RIPK1: variants seen among roughly 807,000 people sequenced by gnomAD.
The protein encoded by RIPK1 is receptor interacting serine/threonine kinase 1.
In RIPK1, 27 loss-of-function variants were observed where a neutral mutation model predicts 62.4. The ratio of observed to expected loss-of-function variants is 0.43; its 90% CI spans 0.32 to 0.60. RIPK1 has a LOEUF of 0.60. Among genes scored for constraint, RIPK1 ranks in the 20% least tolerant of loss-of-function variants. RIPK1 has a pLI of 0.07. For synonymous variants in RIPK1, 287 were observed against 303.2 expected, an observed-to-expected ratio of 0.95 and a Z score of 0.55; for missense variants, 735 against 831.0, an observed-to-expected ratio of 0.88 and a Z score of 1.42.
chr6:3,094,451 A>C (rs1267803039), intron 7 of RIPK1, among the ~76,000 whole-genome samples: 1 of 151,736 alleles, frequency 6.6e-6, no homozygotes, highest in East Asian at 1.9e-4. Flanking sequence ...CCCTTGGATC[A>C]AAAAAAATAA....
rs751986179 is a variant in RIPK1, at chr6:3,085,291, A to G, written c.721A>G (p.Ile241Val). 5.0e-6 allele frequency: 8 copies of G among 1,614,256 alleles called. No individual in the cohort carries two copies. The highest frequency in any genetic ancestry group is 1.7e-4 in the Middle Eastern group (1 of 6,060). The change falls in exon 6 of 11, where the codon ATA (isoleucine) becomes GTA (valine). Residue 241 changes from isoleucine (I) to valine (V), a missense_variant. Around this residue, in one of 2 missense-constraint regions of RIPK1, gnomAD observed 671 missense variants for 726.2 expected, o/e 0.92. Transcript: ENST00000259808. ...CTGTGAGCAGCAGTTGATAATGTGC[A>G]TAAAATCTGGGAACAGGCCAGATGT... is the stretch of plus-strand genomic sequence containing the variant. The part of the protein sequence containing the change: ...AICEQQLIMC[I>V]KSGNRPDVDD...
chr6:3,100,997 T>A (rs1003541964), intron 7 of RIPK1, among the ~76,000 whole-genome samples: 4 of 152,218 alleles, frequency 2.6e-5, no homozygotes, highest in African/African-American at 9.7e-5. Context: ...AAAATACTTT[T>A]CATATTAGGC....
upstream of RIPK1, among the ~76,000 whole-genome samples, chr6:3,065,093 AAAG>A (rs1470866042): frequency 6.6e-6 from 1 of 151,426 alleles, no homozygotes; most frequent in Admixed American, 6.6e-5. Context: ...AAAAGAAAAA[AAAG>A]AATACAAAAA....
chr6:3,097,174 A>C (rs867156804), intron 7 of RIPK1, among the ~76,000 whole-genome samples: 1 of 152,130 alleles, frequency 6.6e-6, no homozygotes, highest in South Asian at 2.1e-4. Flanking sequence ...CCCAGCCTAT[A>C]TCTCAACCTT....
intron 5 of RIPK1, among the ~76,000 whole-genome samples, chr6:3,084,028 C>A (rs1424690866): frequency 6.6e-6 from 1 of 152,180 alleles, no homozygotes; most frequent in African/African-American, 2.4e-5. Flanking sequence ...TCATCCCAGA[C>A]TCGCCCTTGC....
intron 1 of RIPK1, among the ~76,000 whole-genome samples, chr6:3,076,396 A>G (rs1332415482): frequency 6.6e-6 from 1 of 152,094 alleles, no homozygotes. Flanking sequence ...TGCCAGGTAC[A>G]ATGGCTCACA....
chr6:3,105,405 T>A lies in RIPK1; in HGVS notation c.1007-77T>A. ...CTGTGTGTTACTTTGAGATACAGAT[T>A]CATGACGGCGCTCAGATTTTATTTT... On this transcript the variant is annotated intron_variant, in intron 8 of 10. Coordinates refer to ENST00000259808, the MANE Select transcript of RIPK1 (RefSeq NM_001354930.2). The surrounding 1 kb of genome is among the most constrained non-coding windows in gnomAD (Gnocchi z 4.5). 1 of 1,163,958 alleles carries A rather than the reference T, an allele frequency of 8.6e-7. No individual in the cohort carries two copies. Among genetic ancestry groups the A allele is most frequent in the Non-Finnish European group, 1.2e-6 (1 of 816,960 alleles). The allele number at this position is 1,163,958 out of a possible 1,614,324, so 72.1% of individuals were successfully genotyped here. A position where few individuals can be genotyped will look rare whatever the true frequency, so the allele number is the denominator to read the frequency against.
At chr6:3,067,598 G>T (rs111840909), upstream of RIPK1, among the ~76,000 whole-genome samples, 3 of 151,178 alleles carry the variant, frequency 2.0e-5, no homozygotes, top group Non-Finnish European at 3.0e-5. Flanking sequence ...TTTTAAGAGG[G>T]TTTTTTTTGG....
chr6:3,114,719 A>C lies in RIPK1; in HGVS notation c.*1380A>C, dbSNP rs773665259. The C allele has an allele frequency of 2.6e-5, 4 of 152,226 alleles. No homozygotes were observed. The highest frequency in any genetic ancestry group is 6.5e-5 in the Admixed American group (1 of 15,276). 9.4% of individuals were successfully genotyped at this position (152,226 alleles called of 1,614,324 possible). On this transcript the variant is annotated 3_prime_UTR_variant, in exon 11 of 11. Transcript: ENST00000259808. This position sits in a 1 kb window ranked among gnomAD's most constrained non-coding sequence, Gnocchi z 5.0. ...CTGTCTCAGCCTTGCCACTGTCGGC[A>C]TCTCGGCCTGGGTAATTCTGTTGTG... is the stretch of plus-strand genomic sequence containing the variant.
intron 8 of RIPK1, 47 bp downstream of exon 8, chr6:3,104,362 C>G (rs1468014655): frequency 1.0e-6 from 1 of 1,000,340 alleles, no homozygotes; most frequent in Non-Finnish European, 1.6e-6. Flanking sequence ...TGTTTGGTTA[C>G]TCATTCACTC....
Position 3,105,034 on chromosome 6 carries a change from T to C in RIPK1, c.1007-448T>C, listed in dbSNP as rs1760771070. ...GCCCGGCTAATTTTTGTATTTTCAG[T>C]AGAGATGGGGTTTCGCCATGTTGGC... On this transcript the variant is annotated intron_variant, in intron 8 of 10. Coordinates refer to ENST00000259808, the MANE Select transcript of RIPK1 (RefSeq NM_001354930.2). The surrounding 1 kb of genome is among the most constrained non-coding windows in gnomAD (Gnocchi z 4.5). Among the ~76,000 whole-genome samples the C allele has an allele frequency of 6.6e-6, 1 of 152,104 alleles. No homozygotes were observed. The highest frequency in any genetic ancestry group is 1.5e-5 in the Non-Finnish European group (1 of 68,028).
Position 3,083,863 on chromosome 6 carries a change from A to G in RIPK1, c.688+550A>G, listed in dbSNP as rs944001720. Among the ~76,000 whole-genome samples the G allele has an allele frequency of 5.3e-5, 8 of 152,124 alleles. 1 individual carries two copies. Among genetic ancestry groups the G allele is most frequent in the African/African-American group, 1.4e-4 (6 of 41,412 alleles). On this transcript the variant is annotated intron_variant, in intron 5 of 10. Coordinates refer to ENST00000259808, the MANE Select transcript of RIPK1 (RefSeq NM_001354930.2). The stretch of plus-strand genomic sequence containing the variant: ...ATCCACTTGTCTTACAGTCAGATCC[A>G]TCGCAGGTACCAGAGGAACCTCCAA...
upstream of RIPK1, among the ~76,000 whole-genome samples, chr6:3,065,839 A>C (rs1215735802): frequency 1.3e-5 from 2 of 152,164 alleles, no homozygotes; most frequent in Non-Finnish European, 2.9e-5. Flanking sequence ...GTCTACACTC[A>C]TGGCTTTTGC....
chr6:3,097,233 A>G (rs1451321973), intron 7 of RIPK1, among the ~76,000 whole-genome samples: 1 of 152,214 alleles, frequency 6.6e-6, no homozygotes, highest in Non-Finnish European at 1.5e-5. Context: ...GGAACTTGAC[A>G]AACCTACTCT....
upstream of RIPK1, among the ~76,000 whole-genome samples, chr6:3,064,569 C>G (rs1000962447): frequency 6.6e-6 from 1 of 152,172 alleles, no homozygotes; most frequent in Non-Finnish European, 1.5e-5. Flanking sequence ...AGGCTCAGCG[C>G]TCGCCTGCAG....
At chr6:3,097,071 A>AT (rs1760355020) in intron 7 of RIPK1, among the ~76,000 whole-genome samples, 1 of 151,482 alleles carries the variant, frequency 6.6e-6, no homozygotes, top group Non-Finnish European at 1.5e-5. Flanking sequence ...GGGTTTCACT[A>AT]TGTTGGCCAG....
chr6:3,084,671 G>A lies in RIPK1; in HGVS notation c.689-588G>A, dbSNP rs917449934. 3.4e-5 allele frequency among the ~76,000 whole-genome samples: 5 copies of A among 148,636 alleles called. No individual in the cohort carries two copies. The Admixed American group carries it at 3.4e-4, about 10-fold the overall frequency. ...TGCAGTGGTGCAGTCTCGGCTCACT[G>A]CAGCCTCCACCTCCCAGGTTCAAGC... On this transcript the variant is annotated intron_variant, in intron 5 of 10. Transcript: ENST00000259808.
chr6:3,096,236 AAAAG>A (rs1760283983), intron 7 of RIPK1, among the ~76,000 whole-genome samples: 1 of 152,230 alleles, frequency 6.6e-6, no homozygotes, highest in Non-Finnish European at 1.5e-5. Flanking sequence ...TAGAGCAAGA[AAAAG>A]AAAGAAGAGA....
At chr6:3,085,143 CTA>C (rs1759622142) in intron 5 of RIPK1, 114 bp from the exon 6 acceptor site, 1 of 1,057,348 alleles carries the variant, frequency 9.5e-7, no homozygotes. Flanking sequence ...CCATTCCACT[CTA>C]TGGAATGAGG....
Sources: allele counts gnomAD v4.1 joint callset (sites outside exome capture counted in the v4.1 genomes callset), GRCh38; gene constraint gnomAD v4.1.1; regional missense constraint gnomAD v4.1.1; non-coding constraint Gnocchi (gnomAD v3.1); transcripts MANE v1.5; gene names NCBI Gene and HGNC (gene_info 2026-07-23, HGNC 2026-07-21).